Variants in TTC4 observed in about 807,000 individuals in gnomAD.
The protein encoded by TTC4 is tetratricopeptide repeat domain 4.
A neutral mutation model predicts 51.9 loss-of-function variants in TTC4; 36 were observed. The observed-to-expected ratio is 0.69, with a 90% CI of 0.53 to 0.92. The LOEUF (loss-of-function observed/expected upper bound fraction) is 0.92, where lower values mean the gene tolerates loss of function less well. Among genes scored for constraint, TTC4 ranks in the 40% least tolerant of loss-of-function variants. TTC4 has a pLI of 0.00. For missense variants in TTC4, 399 were observed against 454.6 expected, an observed-to-expected ratio of 0.88 and a Z score of 1.11; for synonymous variants, 144 against 164.2, an observed-to-expected ratio of 0.88 and a Z score of 0.94.
intron 3 of TTC4, 104 bp downstream of exon 3, chr1:54,717,757 A>C: frequency 1.8e-6 from 2 of 1,089,554 alleles, no homozygotes; most frequent in Non-Finnish European, 2.5e-6. Context: ...TTATCCCAGA[A>C]ACCCAGACTA....
chr1:54,718,488 C>T (rs1405005930), intron 3 of TTC4, among the ~76,000 whole-genome samples: 2 of 152,024 alleles, frequency 1.3e-5, no homozygotes, highest in African/African-American at 4.8e-5. Flanking sequence ...CTCAAGTGAT[C>T]CATCCGCCTC....
intron 9 of TTC4, among the ~76,000 whole-genome samples, chr1:54,738,237 G>C (rs1020026981): frequency 6.6e-6 from 1 of 152,126 alleles, no homozygotes; most frequent in East Asian, 1.9e-4. Flanking sequence ...GATCTCGTGA[G>C]ACTTAGTCGC....
chr1:54,741,904 A>G lies in TTC4; in HGVS notation c.*391A>G, dbSNP rs534290857. On this transcript the variant is annotated 3_prime_UTR_variant, in exon 10 of 10. Transcript: ENST00000371281. ...AGAGAAGCTACCCCTCAAACTGCAC[A>G]TCTACACACAAACAAACAATGCATA... 4.8e-5 allele frequency: 10 copies of G among 208,778 alleles called. No homozygotes were observed. Among genetic ancestry groups the G allele is most frequent in the Non-Finnish European group, 9.3e-5 (10 of 107,324 alleles). 12.9% of individuals were successfully genotyped at this position (208,778 alleles called of 1,614,324 possible). A position where few individuals can be genotyped will look rare whatever the true frequency, so the allele number is the denominator to read the frequency against.
intron 6 of TTC4, among the ~76,000 whole-genome samples, chr1:54,730,945 C>G (rs979878002): frequency 6.6e-5 from 10 of 152,214 alleles, no homozygotes; most frequent in African/African-American, 1.7e-4. Flanking sequence ...CCTCCAGCCC[C>G]CAAGGCTGAA....
At chr1:54,722,627 C>T in intron 4 of TTC4, 48 bp from the exon 5 acceptor site, 2 of 1,603,310 alleles carry the variant, frequency 1.2e-6, no homozygotes, top group Non-Finnish European at 1.7e-6. Flanking sequence ...AAAGCAGGTT[C>T]TTTCCATGCA....
intron 7 of TTC4, 107 bp downstream of exon 7, chr1:54,731,807 G>A (rs1483006254): frequency 1.8e-6 from 2 of 1,093,724 alleles, no homozygotes; most frequent in East Asian, 5.2e-5. Flanking sequence ...TAATGGTTTA[G>A]AGGGTTTCAC....
intron 5 of TTC4, 54 bp from the exon 6 acceptor site, chr1:54,728,292 A>G: frequency 6.6e-7 from 1 of 1,523,560 alleles, no homozygotes. Context: ...AGGCTAGTGC[A>G]ATAGAAGAGG....
chr1:54,728,602 A>G (rs1216758491), intron 6 of TTC4, among the ~76,000 whole-genome samples, 170 bp downstream of exon 6: 1 of 152,196 alleles, frequency 6.6e-6, no homozygotes, highest in Non-Finnish European at 1.5e-5. Flanking sequence ...AGGCCACCCC[A>G]GTTCAGTCAG....
chr1:54,728,355 C>G lies in TTC4; in HGVS notation c.604C>G (p.Gln202Glu), dbSNP rs751930286. 1 of 1,612,242 alleles carries G rather than the reference C, an allele frequency of 6.2e-7. No individual in the cohort carries two copies. The highest frequency in any genetic ancestry group is 8.5e-7 in the Non-Finnish European group (1 of 1,178,948). ...AKADKLKRIE[Q>E]RDVRKANLKE... ...TAAATTTCATTTTTAGCGAATTGAA[C>G]AGAGGGATGTGAGGAAAGCCAACTT... The change falls in exon 6 of 10, where the codon CAG (glutamine) becomes GAG (glutamate). Residue 202 changes from glutamine to glutamate, a missense_variant. Physicochemically the swap from Gln to Glu is conservative, Grantham distance 29. This residue lies in a region of TTC4 where 316 missense variants were observed against 349.6 expected (regional missense o/e 0.90). Coordinates refer to ENST00000371281, the MANE Select transcript of TTC4 (RefSeq NM_004623.5).
At chr1:54,724,715 A>G (rs1290551551) in intron 5 of TTC4, among the ~76,000 whole-genome samples, 1 of 152,234 alleles carries the variant, frequency 6.6e-6, no homozygotes, top group African/African-American at 2.4e-5. Context: ...ATCCACAAAT[A>G]GGTGGAAATA....
chr1:54,736,484 C>T (rs953401190), intron 8 of TTC4, among the ~76,000 whole-genome samples: 1 of 152,162 alleles, frequency 6.6e-6, no homozygotes, highest in East Asian at 1.9e-4. Flanking sequence ...AATCCTCCCA[C>T]CTCAGTCTCC....
chr1:54,731,773 G>A, intron 7 of TTC4, 73 bp downstream of exon 7: 1 of 1,457,036 alleles, frequency 6.9e-7, no homozygotes, highest in Non-Finnish European at 9.4e-7. Context: ...AGGGACGAGT[G>A]GATTTTTGGT....
rs984532758 is a variant in TTC4 at position 54,739,166 on chromosome 1, C to G, written c.1061+1502C>G. ...AGATTACAGATGTGAGCCACCACACCCAGCCCCTAAAATTTTTTTTTAAAT... is the reference window on the plus strand; with the variant it reads ...AGATTACAGATGTGAGCCACCACACGCAGCCCCTAAAATTTTTTTTTAAAT... On this transcript the variant is annotated intron_variant, in intron 9 of 9. Transcript: ENST00000371281. 2.6e-5 allele frequency among the ~76,000 whole-genome samples: 4 copies of G among 152,076 alleles called. No individual in the cohort carries two copies. In the South Asian group the frequency reaches 6.2e-4, roughly 24 times the overall value.
At chr1:54,737,399 A>G (rs1645958409) in intron 8 of TTC4, 183 bp from the exon 9 acceptor site, 4 of 563,768 alleles carry the variant, frequency 7.1e-6, no homozygotes, top group African/African-American at 3.8e-5. Flanking sequence ...GGAACTGATA[A>G]TAGCCTCTTT....
chr1:54,733,144 C>CA (rs887301721), intron 7 of TTC4, among the ~76,000 whole-genome samples: 3 of 148,344 alleles, frequency 2.0e-5, no homozygotes, highest in Non-Finnish European at 4.4e-5. Context: ...CAGTCAGGTG[C>CA]AGGGCTCACA....
intron 5 of TTC4, 29 bp downstream of exon 5, chr1:54,722,828 T>C: frequency 1.3e-6 from 2 of 1,565,194 alleles, no homozygotes; most frequent in Non-Finnish European, 1.7e-6. Flanking sequence ...CCAATTAGCA[T>C]TTGCTAATTA....
intron 4 of TTC4, among the ~76,000 whole-genome samples, chr1:54,722,144 T>C (rs1268577047): frequency 6.6e-6 from 1 of 151,922 alleles, no homozygotes; most frequent in Non-Finnish European, 1.5e-5. Context: ...TTTTTTTTTT[T>C]TTGATGGGGG....
At chr1:54,723,834 T>G (rs1482449809) in intron 5 of TTC4, among the ~76,000 whole-genome samples, 1 of 152,228 alleles carries the variant, frequency 6.6e-6, no homozygotes, top group Non-Finnish European at 1.5e-5. Flanking sequence ...TATTACTGTT[T>G]TTAATCATCA....
In TTC4 at chr1:54,731,693, G is replaced by C; in HGVS notation, c.889G>C (p.Asp297His). The C allele has an allele frequency of 6.2e-7, 1 of 1,613,928 alleles. No individual in the cohort carries two copies. The change falls in exon 7 of 10, where the codon GAC becomes CAC. Residue 297 changes from aspartate (D) to histidine (H), a missense_variant. Asp to His is a moderately conservative substitution (Grantham distance 81, BLOSUM62 -1). This residue lies in a region of TTC4 where 316 missense variants were observed against 349.6 expected (regional missense o/e 0.90). Coordinates refer to ENST00000371281, the MANE Select transcript of TTC4 (RefSeq NM_004623.5). Reference sequence around the variant, plus strand: ...GGACTTCATCTCTGCTTTTCATGAGGACTCCAGGTACTGACTTGCCCAGGA... The same window carrying C: ...GGACTTCATCTCTGCTTTTCATGAGCACTCCAGGTACTGACTTGCCCAGGA... ...QSDFISAFHE[D>H]SRFIDHLMVM... is the part of the protein sequence containing the mutation.
Sources: allele counts gnomAD v4.1 joint callset (sites outside exome capture counted in the v4.1 genomes callset), GRCh38; gene constraint gnomAD v4.1.1; regional missense constraint gnomAD v4.1.1; transcripts MANE v1.5; gene names NCBI Gene and HGNC (gene_info 2026-07-23, HGNC 2026-07-21).